Variants in STAU2 observed in about 807,000 individuals in gnomAD.
The protein encoded by STAU2 is staufen double-stranded RNA binding protein 2, also known as double-stranded RNA-binding protein Staufen homolog 2.
Under a neutral mutation model 65.9 loss-of-function variants are expected in STAU2, and 20 were observed. That is an observed-to-expected ratio of 0.30 (90% CI 0.21 to 0.44). The LOEUF (loss-of-function observed/expected upper bound fraction) is 0.44. Ranked by LOEUF, STAU2 falls within the 20% of genes least tolerant of loss-of-function variation. STAU2 has a pLI of 1.00. For synonymous variants in STAU2, 232 were observed against 233.9 expected, an observed-to-expected ratio of 0.99 and a Z score of 0.07; for missense variants, 558 against 683.9, an observed-to-expected ratio of 0.82 and a Z score of 2.05.
intron 13 of STAU2, among the ~76,000 whole-genome samples, chr8:73,531,834 C>G (rs1301043502): frequency 6.6e-6 from 1 of 152,166 alleles, no homozygotes; most frequent in Admixed American, 6.5e-5. Flanking sequence ...TCTGCTAGAA[C>G]AAAGCAGTGC....
intron 1 of STAU2, among the ~76,000 whole-genome samples, chr8:73,741,784 A>G (rs1356143898): frequency 6.6e-6 from 1 of 152,228 alleles, no homozygotes; most frequent in Non-Finnish European, 1.5e-5. Flanking sequence ...AAGTGCCAAG[A>G]TTACAGGCGT....
chr8:73,701,910 T>C (rs2130606808), intron 4 of STAU2, among the ~76,000 whole-genome samples: 1 of 152,292 alleles, frequency 6.6e-6, no homozygotes, highest in East Asian at 1.9e-4. Context: ...AAGAATGAGA[T>C]CCTGTCATTT....
intron 3 of STAU2, among the ~76,000 whole-genome samples, chr8:73,720,298 TTTC>T (rs1279744978): frequency 2.1e-5 from 3 of 146,192 alleles, no homozygotes; most frequent in African/African-American, 5.1e-5. Context: ...GGTTATCCAT[TTTC>T]TTCTTCTTCC....
chr8:73,568,186 G>C (rs547165343), intron 12 of STAU2, among the ~76,000 whole-genome samples: 21 of 152,230 alleles, frequency 1.4e-4, no homozygotes, highest in African/African-American at 5.1e-4. Flanking sequence ...GGAGATTTTT[G>C]TCTTTTCAAT....
intron 11 of STAU2, chr8:73,590,707 C>G (rs1810712951): frequency 6.6e-6 from 1 of 152,382 alleles, no homozygotes; most frequent in Non-Finnish European, 1.5e-5. Flanking sequence ...AAGACATCAT[C>G]TGGGAGGTGT....
At chr8:73,583,137 A>G (rs992116201) in intron 11 of STAU2, among the ~76,000 whole-genome samples, 23 of 150,106 alleles carry the variant, frequency 1.5e-4, no homozygotes, top group Non-Finnish European at 3.2e-4. Flanking sequence ...CTAGGTGGTG[A>G]AAAAAATAAA....
chr8:73,669,220 G>A, intron 6 of STAU2: 1 of 646,218 alleles, frequency 1.5e-6, no homozygotes, highest in Non-Finnish European at 2.8e-6. Context: ...ACATGGCTTG[G>A]TAGCTTACTA....
intron 1 of STAU2, among the ~76,000 whole-genome samples, chr8:73,743,404 C>T (rs147550088): frequency 6.6e-6 from 1 of 151,542 alleles, no homozygotes; most frequent in Non-Finnish European, 1.5e-5. Flanking sequence ...ACGGTTCATT[C>T]TGGCCCAAAG....
At chr8:73,557,109 T>C (rs925106543) in intron 12 of STAU2, among the ~76,000 whole-genome samples, 2 of 152,234 alleles carry the variant, frequency 1.3e-5, no homozygotes, top group Non-Finnish European at 2.9e-5. Flanking sequence ...TACTTCAGTA[T>C]TGTTATTATA....
chr8:73,504,561 G>A (rs879027370), intron 13 of STAU2, among the ~76,000 whole-genome samples: 1 of 152,056 alleles, frequency 6.6e-6, no homozygotes, highest in African/African-American at 2.4e-5. Context: ...CGCTTAGGAA[G>A]CAGAGACAAC....
At chr8:73,487,857 C>T (rs745406221) in intron 13 of STAU2, among the ~76,000 whole-genome samples, 21 of 151,854 alleles carry the variant, frequency 1.4e-4, no homozygotes, top group Non-Finnish European at 2.9e-4. Context: ...TAGGTACAAA[C>T]TATAATAAAA....
At chr8:73,475,704 C>G (rs1449126694) in intron 13 of STAU2, among the ~76,000 whole-genome samples, 1 of 152,186 alleles carries the variant, frequency 6.6e-6, no homozygotes, top group Non-Finnish European at 1.5e-5. Flanking sequence ...CCTTTGGAAA[C>G]AATCATGCTA....
At chr8:73,529,325 T>C (rs1805648960) in intron 13 of STAU2, among the ~76,000 whole-genome samples, 1 of 152,194 alleles carries the variant, frequency 6.6e-6, no homozygotes, top group African/African-American at 2.4e-5. Context: ...ACTAAAATAA[T>C]AGCAACAGTT....
chr8:73,693,540 T>C (rs1015222976), intron 4 of STAU2, among the ~76,000 whole-genome samples: 2 of 152,038 alleles, frequency 1.3e-5, no homozygotes, highest in Non-Finnish European at 2.9e-5. Flanking sequence ...TTAAAGCAGT[T>C]CCCTTAATAT....
At chr8:73,486,027 G>T (rs1323204051) in intron 13 of STAU2, among the ~76,000 whole-genome samples, 1 of 152,132 alleles carries the variant, frequency 6.6e-6, no homozygotes, top group Admixed American at 6.5e-5. Flanking sequence ...ACTCTTCAGG[G>T]TCTTGGCTTC....
chr8:73,686,475 G>A (rs777674629), intron 5 of STAU2, among the ~76,000 whole-genome samples: 38 of 151,850 alleles, frequency 2.5e-4, no homozygotes, highest in Non-Finnish European at 4.3e-4. Flanking sequence ...GCTTGAACCC[G>A]GGAGGCAGAG....
At chr8:73,628,906 A>G (rs1813885844) in intron 6 of STAU2, among the ~76,000 whole-genome samples, 1 of 152,226 alleles carries the variant, frequency 6.6e-6, no homozygotes, top group Admixed American at 6.5e-5. Context: ...GCTTTTGCTG[A>G]TCAGAATTAA....
chr8:73,700,078 C>G (rs1819985899), intron 4 of STAU2, among the ~76,000 whole-genome samples: 1 of 151,902 alleles, frequency 6.6e-6, no homozygotes. Flanking sequence ...AAAAACCATA[C>G]ATTTCAATTG....
intron 13 of STAU2, among the ~76,000 whole-genome samples, chr8:73,547,856 C>T (rs546593617): frequency 1.3e-5 from 2 of 151,660 alleles, no homozygotes; most frequent in Non-Finnish European, 2.9e-5. Flanking sequence ...ACAGTTGGGC[C>T]CTCCATATCC....
Sources: allele counts gnomAD v4.1 joint callset (sites outside exome capture counted in the v4.1 genomes callset), GRCh38; gene constraint gnomAD v4.1.1; transcripts MANE v1.5; gene names NCBI Gene and HGNC (gene_info 2026-07-23, HGNC 2026-07-21).